Variants in MEGF10 observed in about 807,000 individuals in gnomAD.
MEGF10 encodes multiple epidermal growth factor-like domains protein 10.
In MEGF10, 86 loss-of-function variants were observed where a neutral mutation model predicts 147.5. The ratio of observed to expected loss-of-function variants is 0.58; its 90% confidence interval spans 0.49 to 0.70. The LOEUF (loss-of-function observed/expected upper bound fraction) is 0.70. Among genes scored for constraint, MEGF10 ranks in the 30% least tolerant of loss-of-function variants. MEGF10 has a pLI of 0.00. For missense variants in MEGF10, 1,329 were observed against 1,487.3 expected (o/e 0.89, Z 1.75); for synonymous variants, 478 against 525.5 (o/e 0.91, Z 1.24).
At chr5:127,250,927 AACAG>A in the MEGF10 span, among the ~76,000 whole-genome samples, 3 of 152,114 alleles carry the variant, frequency 2.0e-5, no homozygotes, top group South Asian at 6.2e-4. Context: ...AAAAAACCCT[AACAG>A]TTGTAAGATT....
intron 18 of MEGF10, among the ~76,000 whole-genome samples, chr5:127,441,827 C>T (rs970257939): frequency 5.9e-5 from 9 of 152,166 alleles, no homozygotes; most frequent in African/African-American, 2.2e-4. Context: ...TCCACTGGCA[C>T]CTCACAGAGC....
chr5:127,333,397 A>G (rs1302692127), intron 2 of MEGF10, among the ~76,000 whole-genome samples: 1 of 152,084 alleles, frequency 6.6e-6, no homozygotes, highest in Non-Finnish European at 1.5e-5. Context: ...CCTGTAATCC[A>G]GCTACTTGGG....
At chr5:127,247,240 A>G in the MEGF10 span, among the ~76,000 whole-genome samples, 1 of 145,846 alleles carries the variant, frequency 6.9e-6, no homozygotes, top group South Asian at 2.2e-4. Flanking sequence ...AAAAACTCAC[A>G]GAAAGTATTA....
At chr5:127,403,655 T>G (rs1473433171) in intron 8 of MEGF10, among the ~76,000 whole-genome samples, 1 of 152,194 alleles carries the variant, frequency 6.6e-6, no homozygotes, top group East Asian at 1.9e-4. Context: ...TTCAATTGTT[T>G]TGATTTTTAG....
rs1208632135 is a variant in MEGF10, at chr5:127,433,391, G to C, written c.1722G>C (p.Glu574Asp). 17 of 1,614,048 alleles carry C rather than the reference G, an allele frequency of 1.1e-5. No homozygotes were observed. The highest frequency in any genetic ancestry group is 1.4e-5 in the Non-Finnish European group (17 of 1,180,028). The change falls in exon 14 of 25, where the codon GAG becomes GAC. Residue 574 changes from glutamate to aspartate, a missense_variant. Glu to Asp is a conservative substitution (Grantham distance 45). Transcript: ENST00000503335. ...SGVHCDSVCA[E>D]GRWGPNCSLP... ...TCCACTGTGACAGCGTGTGTGCTGA[G>C]GGACGCTGGGGCCCCAACTGCTCCC...
At chr5:127,239,095 G>A in the MEGF10 span, among the ~76,000 whole-genome samples, 2 of 152,014 alleles carry the variant, frequency 1.3e-5, no homozygotes, top group African/African-American at 2.4e-5. Flanking sequence ...CTGCAAAGCC[G>A]CTGGCCAGGA....
intron 2 of MEGF10, among the ~76,000 whole-genome samples, chr5:127,335,061 G>A (rs540376384): frequency 1.5e-4 from 23 of 152,066 alleles, no homozygotes; most frequent in Admixed American, 2.6e-4. Flanking sequence ...TTAAAATCAC[G>A]GCAATGATAT....
intron 1 of MEGF10, among the ~76,000 whole-genome samples, chr5:127,308,063 T>C (rs767765083): frequency 1.4e-4 from 21 of 152,202 alleles, no homozygotes; most frequent in Non-Finnish European, 2.4e-4. Flanking sequence ...CTTGATCTTT[T>C]AAGCTCTTTT....
chr5:127,447,393 G>T (rs1765978973), intron 20 of MEGF10, among the ~76,000 whole-genome samples, 164 bp from the exon 21 acceptor site: 2 of 152,120 alleles, frequency 1.3e-5, no homozygotes, highest in South Asian at 4.1e-4. Flanking sequence ...TAGCCAGGAT[G>T]GTCTCGATCT....
intron 5 of MEGF10, among the ~76,000 whole-genome samples, chr5:127,395,783 A>T (rs1440015709): frequency 6.6e-6 from 1 of 151,896 alleles, no homozygotes; most frequent in African/African-American, 2.4e-5. Flanking sequence ...TGACCTCGTG[A>T]TCCTCCCGTC....
intron 1 of MEGF10, among the ~76,000 whole-genome samples, chr5:127,304,437 G>T (rs1759920683): frequency 6.6e-6 from 1 of 152,110 alleles, no homozygotes; most frequent in African/African-American, 2.4e-5. Context: ...CCCTTTCCAT[G>T]AGCTGGGATG....
the MEGF10 span, among the ~76,000 whole-genome samples, chr5:127,278,521 A>C: frequency 5.3e-5 from 8 of 152,198 alleles, no homozygotes; most frequent in Admixed American, 2.6e-4. Flanking sequence ...ATATTTGTGA[A>C]TGCTGATGGG....
the MEGF10 span, among the ~76,000 whole-genome samples, chr5:127,274,942 A>G: frequency 2.1e-4 from 32 of 152,208 alleles, no homozygotes; most frequent in African/African-American, 7.7e-4. Flanking sequence ...GTTTTGTGTA[A>G]TAACAGTAAT....
chr5:127,362,950 G>A (rs966305709), intron 4 of MEGF10, among the ~76,000 whole-genome samples: 2 of 151,886 alleles, frequency 1.3e-5, no homozygotes, highest in African/African-American at 4.8e-5. Context: ...TGTTTTTGTG[G>A]TTGTTTTGGG....
chr5:127,289,350 A>G (rs916061368), upstream of MEGF10, among the ~76,000 whole-genome samples: 1 of 152,238 alleles, frequency 6.6e-6, no homozygotes, highest in Non-Finnish European at 1.5e-5. Flanking sequence ...AAACAGCCAT[A>G]TGGATTAATC....
In MEGF10 at chr5:127,388,401, A is replaced by T. The variant is rs1329488931; in HGVS notation, c.413-8131A>T. The stretch of plus-strand genomic sequence containing the variant: ...TGAGCTCAAGCAATCCACCCACCTC[A>T]GCCTCCCAAAGTGCTGGAATTACAA... On this transcript the variant is annotated intron_variant, in intron 5 of 24. Transcript: ENST00000503335. 2.0e-5 allele frequency among the ~76,000 whole-genome samples: 3 copies of T among 152,096 alleles called. No homozygotes were observed. In the South Asian group the frequency reaches 6.2e-4, roughly 32 times the overall value.
At chr5:127,323,307 A>G (rs1304377343) in intron 1 of MEGF10, among the ~76,000 whole-genome samples, 2 of 152,208 alleles carry the variant, frequency 1.3e-5, no homozygotes, top group South Asian at 2.1e-4. Context: ...AGGCAGGTCA[A>G]TTCTTCTAGA....
At chr5:127,292,505 A>G (rs1405383161) in intron 1 of MEGF10, among the ~76,000 whole-genome samples, 1 of 152,164 alleles carries the variant, frequency 6.6e-6, no homozygotes. Context: ...TATTATTCCT[A>G]TTTGGATGGA....
chr5:127,273,490 A>C, the MEGF10 span, among the ~76,000 whole-genome samples: 3 of 152,218 alleles, frequency 2.0e-5, no homozygotes, highest in Non-Finnish European at 4.4e-5. Flanking sequence ...AGCTGCTTCT[A>C]ATTGGCCATC....
Sources: gnomAD v4.1 joint callset for allele counts (sites outside exome capture counted in the v4.1 genomes callset) on GRCh38, gnomAD v4.1.1 for gene constraint, MANE v1.5 for transcripts, NCBI Gene and HGNC (gene_info 2026-07-23, HGNC 2026-07-21) for gene names.